SYT16: variants seen among roughly 807,000 people sequenced by gnomAD.
SYT16 encodes synaptotagmin-16.
SYT16 carries 42 observed loss-of-function variants against 61.4 expected under a neutral mutation model. That is an observed-to-expected ratio of 0.68 (90% confidence interval 0.53 to 0.89). SYT16 has a LOEUF of 0.89. SYT16 is among the 40% of genes least tolerant of loss of function. The probability of loss-of-function intolerance (pLI) is 0.00; values close to 1 mark genes in which losing one functional copy is unlikely to be tolerated. For synonymous variants in SYT16, 314 were observed against 302.3 expected (o/e 1.04, Z -0.40); for missense variants, 804 against 807.3 (o/e 1.00, Z 0.05).
At chr14:61,818,477 A>C (rs755144600) in intron 1 of SYT16, among the ~76,000 whole-genome samples, 5 of 152,166 alleles carry the variant, frequency 3.3e-5, no homozygotes, top group Non-Finnish European at 5.9e-5. Flanking sequence ...CAGGAGTTTG[A>C]GACCAGCCTG....
intron 1 of SYT16, among the ~76,000 whole-genome samples, chr14:61,876,222 A>G (rs968749609): frequency 1.3e-5 from 2 of 152,216 alleles, no homozygotes; most frequent in Non-Finnish European, 2.9e-5. Flanking sequence ...AAAAATGCTA[A>G]CATACATATA....
intron 3 of SYT16, among the ~76,000 whole-genome samples, chr14:62,031,550 C>T (rs2054309535): frequency 6.6e-6 from 1 of 152,130 alleles, no homozygotes; most frequent in Non-Finnish European, 1.5e-5. Context: ...TGAGAAGAAT[C>T]ACAGTGTTTT....
chr14:61,937,181 A>T (rs2050015812), intron 1 of SYT16, among the ~76,000 whole-genome samples: 1 of 152,170 alleles, frequency 6.6e-6, no homozygotes, highest in Non-Finnish European at 1.5e-5. Flanking sequence ...CTTTAAACTG[A>T]TTTTGCTTTG....
chr14:61,892,299 C>G (rs2140340041), intron 1 of SYT16, among the ~76,000 whole-genome samples: 2 of 152,186 alleles, frequency 1.3e-5, no homozygotes, highest in South Asian at 4.2e-4. Context: ...ATTTCTCTCT[C>G]CCTCCACCTC....
At chr14:61,861,892 AT>A (rs1417858686) in intron 1 of SYT16, among the ~76,000 whole-genome samples, 1 of 152,240 alleles carries the variant, frequency 6.6e-6, no homozygotes, top group Non-Finnish European at 1.5e-5. Flanking sequence ...ATCCAAAAAA[AT>A]ACCTACCTTA....
In SYT16 at chr14:61,815,109, C is replaced by A. The variant is rs147502757; in HGVS notation, c.-325+2299C>A. On this transcript the variant is annotated intron_variant, in intron 1 of 7. Transcript: ENST00000683842. Reference sequence around the variant, plus strand: ...ACTCAGAGGACTTATTCAAACAGATCGCTGGACTTCACTCCCAGAGTTCCT... The same window carrying A: ...ACTCAGAGGACTTATTCAAACAGATAGCTGGACTTCACTCCCAGAGTTCCT... Among the ~76,000 whole-genome samples the A allele has an allele frequency of 3.5e-3, 539 of 152,290 alleles. 3 individuals carry two copies. The highest frequency in any genetic ancestry group is 0.012 in the African/African-American group (495 of 41,548).
chr14:61,825,310 T>C (rs2045739641), intron 1 of SYT16, among the ~76,000 whole-genome samples: 1 of 152,206 alleles, frequency 6.6e-6, no homozygotes, highest in Non-Finnish European at 1.5e-5. Context: ...TTAATGTAAT[T>C]GATAGGTTCT....
At chr14:62,065,456 A>G (rs2056021836) in intron 3 of SYT16, among the ~76,000 whole-genome samples, 1 of 152,200 alleles carries the variant, frequency 6.6e-6, no homozygotes, top group African/African-American at 2.4e-5. Context: ...GTATGATTGT[A>G]TATCAGGCAA....
At chr14:61,881,815 A>G (rs892989590) in intron 1 of SYT16, among the ~76,000 whole-genome samples, 8 of 152,154 alleles carry the variant, frequency 5.3e-5, no homozygotes, top group South Asian at 2.1e-4. Context: ...TGTGTTTATC[A>G]TCTTCTTCTA....
intron 1 of SYT16, among the ~76,000 whole-genome samples, chr14:61,902,909 A>T (rs1298088118): frequency 6.6e-6 from 1 of 152,192 alleles, no homozygotes; most frequent in Non-Finnish European, 1.5e-5. Context: ...TGCTCCCATG[A>T]TTCAATTATA....
In SYT16 at chr14:62,078,172, A is replaced by AACACACACACACAC. The variant is rs144022896; in HGVS notation, c.994-2650_994-2637dup. 4.3e-3 allele frequency among the ~76,000 whole-genome samples: 558 copies of AACACACACACACAC among 128,830 alleles called. 7 individuals carry two copies. Among genetic ancestry groups the AACACACACACACAC allele is most frequent in the African/African-American group, 0.011 (341 of 32,072 alleles). The allele number at this position is 128,830 out of a possible 152,430, so 84.5% of individuals were successfully genotyped here. On this transcript the variant is annotated intron_variant, in intron 5 of 7. Coordinates refer to ENST00000683842, the MANE Select transcript of SYT16 (RefSeq NM_001367656.1). ...CTCTCTCTCTATATATATATATATA[A>AACACACACACACAC]ACACACACACACACACACACACACA...
At chr14:62,060,766 T>G (rs2140917245) in intron 3 of SYT16, among the ~76,000 whole-genome samples, 1 of 152,172 alleles carries the variant, frequency 6.6e-6, no homozygotes, top group Admixed American at 6.5e-5. Context: ...ATAAGAGATA[T>G]TGGCATATGA....
chr14:62,080,707 A>T (rs2140972676), intron 5 of SYT16, 127 bp from the exon 6 acceptor site: 1 of 911,478 alleles, frequency 1.1e-6, no homozygotes, highest in East Asian at 2.6e-5. Context: ...GACCTATCTG[A>T]TATAGAGGGA....
At chr14:61,827,445 T>A (rs1270208190) in intron 1 of SYT16, among the ~76,000 whole-genome samples, 1 of 152,224 alleles carries the variant, frequency 6.6e-6, no homozygotes, top group African/African-American at 2.4e-5. Flanking sequence ...TGTTTCTCCC[T>A]TGCTCTTTTT....
At chr14:61,853,221 G>A (rs777684636) in intron 1 of SYT16, among the ~76,000 whole-genome samples, 7 of 152,164 alleles carry the variant, frequency 4.6e-5, no homozygotes, top group Non-Finnish European at 8.8e-5. Flanking sequence ...ACCTGGCCTT[G>A]TTGTTCTTTA....
At chr14:62,053,100 A>G (rs1472795159) in intron 3 of SYT16, among the ~76,000 whole-genome samples, 3 of 152,190 alleles carry the variant, frequency 2.0e-5, no homozygotes, top group African/African-American at 7.2e-5. Context: ...TTTAAAAGTG[A>G]TTCTGGTAAG....
At chr14:62,033,923 C>A (rs2054403532) in intron 3 of SYT16, among the ~76,000 whole-genome samples, 1 of 151,136 alleles carries the variant, frequency 6.6e-6, no homozygotes, top group Non-Finnish European at 1.5e-5. Context: ...GAAAAGACAA[C>A]CTAAAGAATG....
chr14:62,047,763 A>G (rs2055062126), intron 3 of SYT16, among the ~76,000 whole-genome samples: 1 of 152,146 alleles, frequency 6.6e-6, no homozygotes, highest in African/African-American at 2.4e-5. Flanking sequence ...TTCTGTTTAT[A>G]TGCTGGATTA....
chr14:61,925,790 AT>A (rs1165420655), intron 1 of SYT16, among the ~76,000 whole-genome samples: 1 of 152,212 alleles, frequency 6.6e-6, no homozygotes, highest in Non-Finnish European at 1.5e-5. Context: ...GTGAGAGAGA[AT>A]TCCTGGAAGA....
Sources: gnomAD v4.1 joint callset for allele counts (sites outside exome capture counted in the v4.1 genomes callset) on GRCh38, gnomAD v4.1.1 for gene constraint, MANE v1.5 for transcripts, NCBI Gene and HGNC (gene_info 2026-07-23, HGNC 2026-07-21) for gene names.